The following HLCS variants were observed in gnomAD, a reference collection of about 807,000 sequenced individuals.
HLCS encodes the protein holocarboxylase synthetase.
HLCS carries 53 observed loss-of-function variants against 75.0 expected under a neutral mutation model. That is an observed-to-expected ratio of 0.71 (90% CI 0.57 to 0.89). HLCS has a LOEUF of 0.89. Among genes scored for constraint, HLCS ranks in the 40% least tolerant of loss-of-function variants. The probability of loss-of-function intolerance (pLI) is 0.00; values close to 1 mark genes in which losing one functional copy is unlikely to be tolerated. For synonymous variants in HLCS, 431 were observed against 428.6 expected (o/e 1.01, Z -0.07); for missense variants, 966 against 1,074.0 (o/e 0.90, Z 1.41).
At chr21:36,848,443 T>C (rs2062873643) in intron 6 of HLCS, among the ~76,000 whole-genome samples, 1 of 151,860 alleles carries the variant, frequency 6.6e-6, no homozygotes, top group South Asian at 2.1e-4. Context: ...CTAATTTTTG[T>C]ATTTTAGTAG....
chr21:36,760,263 C>A (rs2089779940), intron 8 of HLCS, among the ~76,000 whole-genome samples: 1 of 152,096 alleles, frequency 6.6e-6, no homozygotes, highest in African/African-American at 2.4e-5. Context: ...GCTTGAGAGA[C>A]AAAGATGGCC....
chr21:36,945,144 T>C (rs1601832943), intron 2 of HLCS, among the ~76,000 whole-genome samples: 1 of 152,156 alleles, frequency 6.6e-6, no homozygotes, highest in African/African-American at 2.4e-5. Context: ...GTTGCACTAT[T>C]CCTCTGCTTA....
intron 1 of HLCS, among the ~76,000 whole-genome samples, chr21:36,988,935 T>C (rs538843179): frequency 1.3e-5 from 2 of 152,336 alleles, no homozygotes; most frequent in East Asian, 3.9e-4. Context: ...TTATCTGTGA[T>C]AGATGTTGCA....
chr21:36,987,400 G>A (rs2069247674), intron 1 of HLCS, among the ~76,000 whole-genome samples: 1 of 151,958 alleles, frequency 6.6e-6, no homozygotes, highest in Non-Finnish European at 1.5e-5. Context: ...ATCACTTGAG[G>A]CCAGGAGTTC....
Position 36,829,477 on chromosome 21 carries a change from AT to A in HLCS, c.1893-62193del, listed in dbSNP as rs1160823315. Among the ~76,000 whole-genome samples, 12 of 152,372 alleles carry A rather than the reference AT, an allele frequency of 7.9e-5. No homozygotes were observed. The East Asian group carries it at 1.5e-3, about 20-fold the overall frequency. ...AGTATTAACTATACAGATGATACTT[AT>A]TACAAGAGAATGCATAATATACAGG... On this transcript the variant is annotated intron_variant, in intron 6 of 10. Transcript: ENST00000674895.
intron 2 of HLCS, among the ~76,000 whole-genome samples, chr21:36,956,485 T>C (rs778423805): frequency 6.6e-6 from 1 of 152,168 alleles, no homozygotes; most frequent in Non-Finnish European, 1.5e-5. Context: ...TCCCAGCACT[T>C]TGGGAGGCCG....
At chr21:36,947,384 C>T (rs973521150) in intron 2 of HLCS, 1 of 985,426 alleles carries the variant, frequency 1.0e-6, no homozygotes, top group African/African-American at 1.7e-5. Context: ...ATGGACCATG[C>T]AAACGCCTTC....
At chr21:36,893,033 C>T (rs2064856797) in intron 6 of HLCS, among the ~76,000 whole-genome samples, 1 of 151,532 alleles carries the variant, frequency 6.6e-6, no homozygotes, top group South Asian at 2.1e-4. Context: ...CCTCAGCCTC[C>T]CAAAGTGCTG....
intron 1 of HLCS, among the ~76,000 whole-genome samples, chr21:36,989,890 G>A (rs911103134): frequency 1.3e-5 from 2 of 151,998 alleles, no homozygotes; most frequent in African/African-American, 4.8e-5. Flanking sequence ...GAGCCAGCCC[G>A]GGTCCCGCAG....
intron 6 of HLCS, among the ~76,000 whole-genome samples, chr21:36,876,182 C>T (rs2063968154): frequency 6.6e-6 from 1 of 152,132 alleles, no homozygotes; most frequent in Non-Finnish European, 1.5e-5. Context: ...GGCATGGGAT[C>T]CAGGCTGAGA....
intron 2 of HLCS, among the ~76,000 whole-genome samples, chr21:36,939,552 C>G (rs8126740): frequency 0.039 from 5,902 of 152,210 alleles, 240 homozygotes; most frequent in African/African-American, 0.11. Context: ...TTCCTGCACT[C>G]GAACTGTGAG....
chr21:36,980,416 A>T (rs1284641767), intron 1 of HLCS: 2 of 152,240 alleles, frequency 1.3e-5, no homozygotes, highest in Non-Finnish European at 2.9e-5. Context: ...ACCTCGAACA[A>T]GAAAAACGCC....
chr21:36,763,780 G>A (rs2089936612), intron 8 of HLCS, among the ~76,000 whole-genome samples: 1 of 152,204 alleles, frequency 6.6e-6, no homozygotes, highest in South Asian at 2.1e-4. Context: ...TGAAGCCCAA[G>A]TAGGGAAGAA....
intron 5 of HLCS, among the ~76,000 whole-genome samples, chr21:36,907,569 T>C (rs137986163): frequency 4.4e-4 from 67 of 152,188 alleles, no homozygotes; most frequent in African/African-American, 1.4e-3. Context: ...GGCAGCAGAA[T>C]TGCTTCAACC....
rs147811655 is a variant in HLCS at position 36,890,893 on chromosome 21, T to A, written c.1892+5967A>T. On this transcript the variant is annotated intron_variant, in intron 6 of 10. Transcript: ENST00000674895. Reference sequence around the variant, plus strand: ...TGGCACTATCAGAAGGTATACTACTTTCAGGGCCTCCAAGTATTTTTCTTG... The same window carrying A: ...TGGCACTATCAGAAGGTATACTACTATCAGGGCCTCCAAGTATTTTTCTTG... 1.4e-4 allele frequency among the ~76,000 whole-genome samples: 22 copies of A among 152,336 alleles called. No homozygotes were observed. In the East Asian group the frequency reaches 4.2e-3, roughly 29 times the overall value.
chr21:36,903,950 A>T (rs529659223), intron 5 of HLCS, among the ~76,000 whole-genome samples: 42 of 152,222 alleles, frequency 2.8e-4, no homozygotes, highest in Admixed American at 6.5e-4. Flanking sequence ...AGAGAAAGAA[A>T]GACCTAAGCT....
chr21:36,763,766 G>A (rs545052651), intron 8 of HLCS, among the ~76,000 whole-genome samples: 1 of 152,326 alleles, frequency 6.6e-6, no homozygotes, highest in Non-Finnish European at 1.5e-5. Context: ...GGGGCTATGG[G>A]AAGTGAAGCC....
At chr21:36,880,039 G>A (rs919700839) in intron 6 of HLCS, among the ~76,000 whole-genome samples, 40 of 152,170 alleles carry the variant, frequency 2.6e-4, no homozygotes, top group African/African-American at 9.4e-4. Flanking sequence ...TGGCCCCTGA[G>A]GTGCCTGCCA....
chr21:36,975,882 A>G (rs1339270209), intron 1 of HLCS, among the ~76,000 whole-genome samples: 1 of 152,222 alleles, frequency 6.6e-6, no homozygotes, highest in East Asian at 1.9e-4. Context: ...ACGAGGTGCT[A>G]TGCCAATTAC....
Sources: gnomAD v4.1 joint callset for allele counts (sites outside exome capture counted in the v4.1 genomes callset) on GRCh38, gnomAD v4.1.1 for gene constraint, MANE v1.5 for transcripts, NCBI Gene and HGNC (gene_info 2026-07-23, HGNC 2026-07-21) for gene names.